Variants in RYR2 observed in about 807,000 individuals in gnomAD.
The protein encoded by RYR2 is cardiac muscle ryanodine receptor-calcium release channel.
In RYR2, 227 loss-of-function variants were observed where a neutral mutation model predicts 601.1. That is an observed-to-expected ratio of 0.38 (90% confidence interval 0.34 to 0.42). The LOEUF is 0.42. Among genes scored for constraint, RYR2 ranks in the 10% least tolerant of loss-of-function variants. The probability of loss-of-function intolerance (pLI) is 1.00; values close to 1 mark genes in which losing one functional copy is unlikely to be tolerated. For missense variants in RYR2, 4,646 were observed against 6,156.5 expected (o/e 0.75, Z 8.21); for synonymous variants, 2,223 against 2,175.1 (o/e 1.02, Z -0.61).
chr1:237,743,194 C>T (rs1456140814), intron 80 of RYR2, among the ~76,000 whole-genome samples: 2 of 152,028 alleles, frequency 1.3e-5, no homozygotes, highest in Admixed American at 6.6e-5. Context: ...ATATCAGTAG[C>T]CAGCAATGAG....
At chr1:237,518,879 C>A (rs1666819991) in intron 24 of RYR2, among the ~76,000 whole-genome samples, 1 of 152,198 alleles carries the variant, frequency 6.6e-6, no homozygotes, top group African/African-American at 2.4e-5. Context: ...TTCCCACCAA[C>A]AGTGCATAAG....
At chr1:237,630,137 C>A (rs187065455) in intron 41 of RYR2, among the ~76,000 whole-genome samples, 1 of 152,082 alleles carries the variant, frequency 6.6e-6, no homozygotes, top group Admixed American at 6.5e-5. Flanking sequence ...AAAAGTAAAT[C>A]ATTCATTAGT....
intron 84 of RYR2, among the ~76,000 whole-genome samples, chr1:237,770,443 G>T (rs1289632160): frequency 6.6e-6 from 1 of 152,118 alleles, no homozygotes; most frequent in African/African-American, 2.4e-5. Context: ...TTTAACACGT[G>T]TGAGAGATGC....
chr1:237,230,477 G>A (rs1252350086), intron 1 of RYR2, among the ~76,000 whole-genome samples: 2 of 151,986 alleles, frequency 1.3e-5, no homozygotes, highest in African/African-American at 2.4e-5. Context: ...TAATTGTAAG[G>A]AATTGACATT....
intron 27 of RYR2, among the ~76,000 whole-genome samples, chr1:237,560,633 T>A (rs1288147998): frequency 6.6e-6 from 1 of 152,220 alleles, no homozygotes; most frequent in African/African-American, 2.4e-5. Flanking sequence ...GACATTTTTA[T>A]CAAATAAACA....
chr1:237,156,490 C>G (rs1675346931), intron 1 of RYR2, among the ~76,000 whole-genome samples: 2 of 152,110 alleles, frequency 1.3e-5, no homozygotes, highest in Admixed American at 1.3e-4. Context: ...GTTCCCAAAG[C>G]TATTAATAGA....
At chr1:237,347,804 A>G (rs888441) in intron 3 of RYR2, among the ~76,000 whole-genome samples, 11,417 of 152,242 alleles carry the variant, frequency 0.075, 492 homozygotes, top group African/African-American at 0.1. Flanking sequence ...AGAAGTTTTA[A>G]AAGGATTAAA....
At chr1:237,786,645 A>C (rs182136361) in intron 91 of RYR2, among the ~76,000 whole-genome samples, 69 of 152,318 alleles carry the variant, frequency 4.5e-4, no homozygotes, top group African/African-American at 1.7e-3. Flanking sequence ...AGGCGATGAA[A>C]ATGCATAACT....
At chr1:237,808,079 TCAAA>T (rs1434683983) in intron 99 of RYR2, among the ~76,000 whole-genome samples, 2 of 152,226 alleles carry the variant, frequency 1.3e-5, no homozygotes, top group African/African-American at 2.4e-5. Context: ...GAAAGACCTT[TCAAA>T]CAGAGACATT....
At chr1:237,618,186 AT>A (rs112111781) in intron 38 of RYR2, among the ~76,000 whole-genome samples, 2,299 of 149,414 alleles carry the variant, frequency 0.015, 25 homozygotes, top group Admixed American at 0.021. Flanking sequence ...TAATTACAGA[AT>A]TTTTTTTTTT....
chr1:237,517,736 A>C (rs1666695371), intron 24 of RYR2, among the ~76,000 whole-genome samples: 1 of 152,194 alleles, frequency 6.6e-6, no homozygotes, highest in South Asian at 2.1e-4. Flanking sequence ...TTCCACAGGC[A>C]ACTGCCCTCA....
chr1:237,057,847 CTT>C (rs1662366717), intron 1 of RYR2, among the ~76,000 whole-genome samples: 6 of 152,210 alleles, frequency 3.9e-5, no homozygotes, highest in Non-Finnish European at 1.5e-5. Flanking sequence ...CATCGCCTCT[CTT>C]TGCAGATACC....
chr1:237,660,543 AG>A (rs1683684593), intron 55 of RYR2, among the ~76,000 whole-genome samples: 1 of 152,068 alleles, frequency 6.6e-6, no homozygotes, highest in African/African-American at 2.4e-5. Context: ...TTTCTGTGTA[AG>A]GTCCTAGGAA....
At chr1:237,296,004 G>T (rs920587570) in intron 2 of RYR2, among the ~76,000 whole-genome samples, 3 of 152,156 alleles carry the variant, frequency 2.0e-5, no homozygotes, top group Non-Finnish European at 2.9e-5. Flanking sequence ...TAAGGTGATG[G>T]GTCTGTTGGA....
At position 237,791,910 on chromosome 1, in the gene RYR2, A is replaced by C. The variant is rs1207219346; in HGVS notation, c.13564-195A>C. On this transcript the variant is annotated intron_variant, in intron 93 of 104. Coordinates refer to ENST00000366574, the MANE Select transcript of RYR2 (RefSeq NM_001035.3). ...CAGAATTTTTGGTTGAATAAGAATGAATTTTAAAAGTATGTTCATTACTTG... is the reference window on the plus strand; with the variant it reads ...CAGAATTTTTGGTTGAATAAGAATGCATTTTAAAAGTATGTTCATTACTTG... The C allele has an allele frequency of 1.0e-5, 6 of 594,216 alleles. No homozygotes were observed. The African/African-American group carries it at 1.1e-4, about 11-fold the overall frequency. The allele number at this position is 594,216 out of a possible 1,614,324, so 36.8% of individuals were successfully genotyped here.
At chr1:237,605,067 T>C (rs1165680291) in intron 35 of RYR2, among the ~76,000 whole-genome samples, 2 of 152,154 alleles carry the variant, frequency 1.3e-5, no homozygotes, top group African/African-American at 4.8e-5. Flanking sequence ...CCCTAACTCA[T>C]TTTATGAGGC....
intron 82 of RYR2, among the ~76,000 whole-genome samples, chr1:237,758,678 C>T (rs1693160946): frequency 6.6e-6 from 1 of 152,144 alleles, no homozygotes; most frequent in Non-Finnish European, 1.5e-5. Context: ...TTAACTGAGC[C>T]CTTTTTAGAA....
intron 1 of RYR2, among the ~76,000 whole-genome samples, chr1:237,107,250 T>C (rs1277922731): frequency 6.6e-6 from 1 of 152,100 alleles, no homozygotes; most frequent in African/African-American, 2.4e-5. Flanking sequence ...ACTTAGGAGT[T>C]CTTGCTTAAT....
intron 1 of RYR2, among the ~76,000 whole-genome samples, chr1:237,223,851 G>A (rs904688618): frequency 3.9e-5 from 6 of 152,166 alleles, no homozygotes; most frequent in Non-Finnish European, 7.3e-5. Flanking sequence ...TGTCAAAGGA[G>A]TGCACTTCCA....
Sources: allele counts gnomAD v4.1 joint callset (sites outside exome capture counted in the v4.1 genomes callset), GRCh38; gene constraint gnomAD v4.1.1; transcripts MANE v1.5; gene names NCBI Gene and HGNC (gene_info 2026-07-23, HGNC 2026-07-21).